AGBL1: variants seen among roughly 807,000 people sequenced by gnomAD.
The protein encoded by AGBL1 is cytosolic carboxypeptidase 4.
Under a neutral mutation model 118.9 loss-of-function variants are expected in AGBL1, and 130 were observed. That is an observed-to-expected ratio of 1.09 (90% CI 0.95 to 1.26). The LOEUF is 1.26. Among genes scored for constraint, AGBL1 ranks in the 50% most tolerant of loss-of-function variants. The pLI, the probability that AGBL1 is intolerant of heterozygous loss-of-function variation, is 0.00. For missense variants in AGBL1, 1,584 were observed against 1,298.1 expected (o/e 1.22, Z -3.38); for synonymous variants, 555 against 478.9 (o/e 1.16, Z -2.08).
At chr15:86,151,274 C>T (rs1597461887) in intron 3 of AGBL1, among the ~76,000 whole-genome samples, 1 of 139,840 alleles carries the variant, frequency 7.2e-6, no homozygotes, top group East Asian at 2.1e-4. Flanking sequence ...ACATTGTGCA[C>T]AAGTACCCTA....
intron 22 of AGBL1, among the ~76,000 whole-genome samples, chr15:86,680,665 C>A (rs1567118869): frequency 7.0e-6 from 1 of 142,134 alleles, no homozygotes; most frequent in South Asian, 2.3e-4. Context: ...CTCCTGGGTA[C>A]AAGGGATTAT....
intron 19 of AGBL1, among the ~76,000 whole-genome samples, chr15:86,527,877 T>G (rs892072189): frequency 1.3e-5 from 2 of 152,150 alleles, no homozygotes; most frequent in Non-Finnish European, 2.9e-5. Context: ...AATATTCACA[T>G]ATTGTGTAAT....
rs189552549 is a variant in AGBL1 at position 86,645,724 on chromosome 15, G to A, written c.2995-28549G>A. 2.3e-3 allele frequency among the ~76,000 whole-genome samples: 351 copies of A among 152,274 alleles called. 2 individuals are homozygous for A. The highest frequency in any genetic ancestry group is 7.9e-3 in the African/African-American group (327 of 41,546). On this transcript the variant is annotated intron_variant, in intron 21 of 22. Coordinates refer to ENST00000614907, the MANE Select transcript of AGBL1 (RefSeq NM_001386094.1). ...TCTCTAATCTTAGAAATGTCAAGGA[G>A]GTCAAGTACTCAGTCCAAGTTCACA... is the stretch of plus-strand genomic sequence containing the variant.
chr15:86,365,018 T>C lies in AGBL1; in HGVS notation c.2375-32348T>C, dbSNP rs554717629. Among the ~76,000 whole-genome samples, 134 of 134,336 alleles carry C rather than the reference T, an allele frequency of 1.0e-3. 9 individuals are homozygous for C. Among genetic ancestry groups the C allele is most frequent in the African/African-American group, 3.4e-3 (122 of 36,086 alleles). 88.1% of individuals were successfully genotyped at this position (134,336 alleles called of 152,430 possible). A position where few individuals can be genotyped will look rare whatever the true frequency, so the allele number is the denominator to read the frequency against. On this transcript the variant is annotated intron_variant, in intron 17 of 22. Transcript: ENST00000614907. The stretch of plus-strand genomic sequence containing the variant: ...ACACACATATATATATACACACACA[T>C]ATATATATACACACACATATATATA...
At chr15:86,742,172 C>T (rs879762799) in intron 22 of AGBL1, among the ~76,000 whole-genome samples, 6 of 152,026 alleles carry the variant, frequency 3.9e-5, no homozygotes, top group South Asian at 4.2e-4. Context: ...CATAAAGAAA[C>T]GTGACCCAGA....
intron 18 of AGBL1, among the ~76,000 whole-genome samples, chr15:86,476,947 A>G (rs1245585483): frequency 6.6e-6 from 1 of 152,236 alleles, no homozygotes; most frequent in South Asian, 2.1e-4. Context: ...CTGCTCCACT[A>G]CATGGAAACT....
chr15:86,826,779 G>C (rs534398802), intron 22 of AGBL1, among the ~76,000 whole-genome samples: 8 of 152,214 alleles, frequency 5.3e-5, no homozygotes, highest in African/African-American at 1.9e-4. Context: ...CTGTAGGCTA[G>C]ATATGACCAT....
rs113642300 is a variant in AGBL1 at position 86,911,765 on chromosome 15, A to T, written c.*4471A>T. The T allele has an allele frequency of 6.6e-6, 1 of 152,202 alleles. No homozygotes were observed. Among genetic ancestry groups the T allele is most frequent in the Non-Finnish European group, 1.5e-5 (1 of 68,048 alleles). The allele number at this position is 152,202 out of a possible 1,614,324, so 9.4% of individuals were successfully genotyped here. A position where few individuals can be genotyped will look rare whatever the true frequency, so the allele number is the denominator to read the frequency against. On this transcript the variant is annotated 3_prime_UTR_variant, in exon 23 of 23. Transcript: ENST00000614907. ...CTCTCATTTGGGAATATCAAAACTC[A>T]GTTCAAATATCACCTTTCTTCTATA... is the stretch of plus-strand genomic sequence containing the variant.
chr15:86,679,424 A>G (rs761697806), intron 22 of AGBL1, among the ~76,000 whole-genome samples: 3 of 152,202 alleles, frequency 2.0e-5, no homozygotes, highest in Non-Finnish European at 2.9e-5. Flanking sequence ...GGTTATTTAT[A>G]TATTTATTTG....
intron 22 of AGBL1, among the ~76,000 whole-genome samples, chr15:86,764,837 G>T (rs900195112): frequency 1.3e-5 from 2 of 152,028 alleles, no homozygotes; most frequent in Non-Finnish European, 2.9e-5. Flanking sequence ...CCACCTTTGA[G>T]CTGGGTGAAT....
At position 86,439,311 on chromosome 15, in the gene AGBL1, C is replaced by G. The variant is rs184541480; in HGVS notation, c.2555+41765C>G. Among the ~76,000 whole-genome samples, 228 of 152,198 alleles carry G rather than the reference C, an allele frequency of 1.5e-3. No homozygotes were observed. In the Middle Eastern group the frequency reaches 0.017, roughly 11 times the overall value. On this transcript the variant is annotated intron_variant, in intron 18 of 22. Transcript: ENST00000614907. ...GGGTCGCAAATTTGAAAACTCCAGC[C>G]GGTATAATTACATTTCCCCCCACAT...
chr15:86,298,960 A>G (rs2079701978), intron 17 of AGBL1, among the ~76,000 whole-genome samples: 1 of 152,188 alleles, frequency 6.6e-6, no homozygotes, highest in African/African-American at 2.4e-5. Context: ...AGCTCCAGAG[A>G]GTCTTCCAAA....
At chr15:86,257,055 T>G in intron 8 of AGBL1, 37 bp downstream of exon 8, 1 of 1,582,636 alleles carries the variant, frequency 6.3e-7, no homozygotes, top group Non-Finnish European at 8.6e-7. Flanking sequence ...TTAAGATGAG[T>G]TTTTGCATTT....
At chr15:86,630,735 T>C (rs140652069) in intron 21 of AGBL1, 26 of 152,352 alleles carry the variant, frequency 1.7e-4, no homozygotes, top group Non-Finnish European at 2.9e-4. Context: ...GAGGACAACA[T>C]AGCTATTTTT....
intron 22 of AGBL1, among the ~76,000 whole-genome samples, chr15:86,745,136 G>A (rs2077737253): frequency 6.6e-6 from 1 of 152,002 alleles, no homozygotes; most frequent in African/African-American, 2.4e-5. Context: ...AAAGGAGAGA[G>A]TATGTTTAAT....
chr15:87,028,967 A>G (rs1596758733), exon 25 of AGBL1: 1 of 1,017,796 alleles, frequency 9.8e-7, no homozygotes, highest in East Asian at 2.5e-5. Context: ...TTGCTCCATC[A>G]TCCCTGCACT....
chr15:86,924,578 A>G (rs1426896556), intron 23 of AGBL1, among the ~76,000 whole-genome samples: 1 of 152,134 alleles, frequency 6.6e-6, no homozygotes, highest in Non-Finnish European at 1.5e-5. Flanking sequence ...TCTGTTTGGG[A>G]GAGAAAGACG....
At chr15:86,932,634 A>T (rs1205074105) in intron 23 of AGBL1, among the ~76,000 whole-genome samples, 1 of 152,218 alleles carries the variant, frequency 6.6e-6, no homozygotes, top group Non-Finnish European at 1.5e-5. Context: ...AAGCAAGGAC[A>T]GGGGTTGGTC....
At chr15:86,417,374 T>A (rs1008033419) in intron 18 of AGBL1, among the ~76,000 whole-genome samples, 33 of 152,220 alleles carry the variant, frequency 2.2e-4, no homozygotes, top group African/African-American at 7.7e-4. Flanking sequence ...CTTCAATCAC[T>A]TGTCTTGGGA....
Sources: gnomAD v4.1 joint callset for allele counts (sites outside exome capture counted in the v4.1 genomes callset) on GRCh38, gnomAD v4.1.1 for gene constraint, MANE v1.5 for transcripts, NCBI Gene and HGNC (gene_info 2026-07-23, HGNC 2026-07-21) for gene names.